PCDH15: variants seen among roughly 807,000 people sequenced by gnomAD.
The protein encoded by PCDH15 is protocadherin related 15.
In PCDH15, 129 loss-of-function variants were observed where a neutral mutation model predicts 178.5. The observed-to-expected ratio is 0.72, with a 90% CI of 0.63 to 0.84. PCDH15 has a LOEUF of 0.84. Ranked by LOEUF, PCDH15 falls within the 40% of genes least tolerant of loss-of-function variation. The pLI is 0.00. For synonymous variants in PCDH15, 800 were observed against 732.0 expected, an observed-to-expected ratio of 1.09 and a Z score of -1.50; for missense variants, 2,230 against 2,099.9, an observed-to-expected ratio of 1.06 and a Z score of -1.21.
At chr10:54,576,606 A>C (rs2090501582) in intron 2 of PCDH15, among the ~76,000 whole-genome samples, 2 of 152,192 alleles carry the variant, frequency 1.3e-5, no homozygotes, top group Non-Finnish European at 1.5e-5. Flanking sequence ...TTATGACAGC[A>C]CTTCTCCTGC....
At chr10:54,947,422 C>T (rs768450150) in intron 2 of PCDH15, among the ~76,000 whole-genome samples, 10 of 151,882 alleles carry the variant, frequency 6.6e-5, no homozygotes, top group Non-Finnish European at 1.5e-4. Context: ...ACATCCTCTG[C>T]CTTTGAAGAA....
chr10:54,201,346 T>G (rs2050210309), intron 10 of PCDH15, among the ~76,000 whole-genome samples: 1 of 152,122 alleles, frequency 6.6e-6, no homozygotes, highest in Non-Finnish European at 1.5e-5. Flanking sequence ...ATTGCAATTT[T>G]CAAAGTTAAG....
chr10:53,979,950 G>A (rs1038404379), intron 21 of PCDH15, among the ~76,000 whole-genome samples: 10 of 152,282 alleles, frequency 6.6e-5, no homozygotes, highest in South Asian at 2.1e-4. Flanking sequence ...CAGGTGCGGC[G>A]GCTCACGCCT....
At chr10:54,785,226 ATAACT>A (rs1228764664) in intron 1 of PCDH15, among the ~76,000 whole-genome samples, 8 of 151,994 alleles carry the variant, frequency 5.3e-5, no homozygotes, top group Non-Finnish European at 2.9e-5. Flanking sequence ...GAAAAAAAAA[ATAACT>A]TTATTTTTTT....
At chr10:55,543,561 T>C (rs750541936) in intron 2 of PCDH15, among the ~76,000 whole-genome samples, 4 of 151,232 alleles carry the variant, frequency 2.6e-5, no homozygotes, top group Non-Finnish European at 4.4e-5. Flanking sequence ...ATTTAACAGA[T>C]AACAAAAGCG....
At chr10:54,735,370 A>T (rs1369323692) in intron 1 of PCDH15, among the ~76,000 whole-genome samples, 5 of 152,030 alleles carry the variant, frequency 3.3e-5, no homozygotes, top group African/African-American at 1.2e-4. Context: ...CATTTCTCTG[A>T]TGGCCAGTGA....
At position 55,312,441 on chromosome 10, in the gene PCDH15, T is replaced by G. The variant is rs139967211; in HGVS notation, c.-156+7158A>C. 5.6e-4 allele frequency among the ~76,000 whole-genome samples: 86 copies of G among 152,246 alleles called. 1 individual carries two copies. Among genetic ancestry groups the G allele is most frequent in the African/African-American group, 1.9e-3 (79 of 41,536 alleles). Reference sequence around the variant, plus strand: ...GTTAGTATGAACATAATGAGACAATTTCTCATGGAGTAGACAGCAACCCAC... The same window carrying G: ...GTTAGTATGAACATAATGAGACAATGTCTCATGGAGTAGACAGCAACCCAC... On this transcript the variant is annotated intron_variant, in intron 1 of 5. Transcript: ENST00000458638.
chr10:54,126,071 C>CT (rs2041962945), intron 15 of PCDH15, among the ~76,000 whole-genome samples: 8 of 118,374 alleles, frequency 6.8e-5, no homozygotes, highest in African/African-American at 2.1e-4. Context: ...AAAGAATTAC[C>CT]ATTTTTTTTT....
intron 2 of PCDH15, chr10:54,600,055 G>C: frequency 7.8e-7 from 1 of 1,275,186 alleles, no homozygotes; most frequent in Non-Finnish European, 1.1e-6. Context: ...GAAAGAGGAA[G>C]AAAAGGAAAT....
intron 28 of PCDH15, among the ~76,000 whole-genome samples, chr10:53,855,564 C>G (rs2078667751): frequency 6.6e-6 from 1 of 151,926 alleles, no homozygotes; most frequent in Non-Finnish European, 1.5e-5. Context: ...ATATGCTTTT[C>G]TTATGGGAAA....
chr10:54,325,475 G>A (rs1937756110), intron 7 of PCDH15, among the ~76,000 whole-genome samples: 1 of 152,054 alleles, frequency 6.6e-6, no homozygotes, highest in Non-Finnish European at 1.5e-5. Context: ...ACTGCCAGGT[G>A]CAGTGGCTCA....
intron 2 of PCDH15, among the ~76,000 whole-genome samples, chr10:55,055,497 T>C (rs1841274755): frequency 6.6e-6 from 1 of 152,072 alleles, no homozygotes; most frequent in Admixed American, 6.6e-5. Flanking sequence ...AACATAATAC[T>C]CTTCTTGCGT....
chr10:54,824,750 T>C (rs1953098233), intron 3 of PCDH15, among the ~76,000 whole-genome samples: 1 of 152,022 alleles, frequency 6.6e-6, no homozygotes, highest in Non-Finnish European at 1.5e-5. Flanking sequence ...TCAGAGGAAA[T>C]GCATAGGGAG....
chr10:55,578,748 G>A, intron 2 of PCDH15, among the ~76,000 whole-genome samples: 1 of 152,136 alleles, frequency 6.6e-6, no homozygotes, highest in East Asian at 1.9e-4. Flanking sequence ...CAATCATGTT[G>A]GAAGGGGAAG....
intron 3 of PCDH15, among the ~76,000 whole-genome samples, chr10:54,415,956 T>G (rs1954294732): frequency 6.6e-6 from 1 of 151,992 alleles, no homozygotes; most frequent in African/African-American, 2.4e-5. Context: ...TAATATTTTT[T>G]AAAAAATCGA....
At chr10:55,450,034 T>G (rs1396293128) in intron 2 of PCDH15, among the ~76,000 whole-genome samples, 1 of 152,088 alleles carries the variant, frequency 6.6e-6, no homozygotes, top group Non-Finnish European at 1.5e-5. Flanking sequence ...CTTAAAGCAT[T>G]TTTTTTATTT....
At chr10:55,440,157 A>T (rs892998552) in intron 2 of PCDH15, among the ~76,000 whole-genome samples, 7 of 152,214 alleles carry the variant, frequency 4.6e-5, no homozygotes, top group Non-Finnish European at 1.0e-4. Flanking sequence ...ACAAAAAATA[A>T]ACTGAGGGTG....
intron 2 of PCDH15, among the ~76,000 whole-genome samples, chr10:54,619,819 T>A (rs2093298100): frequency 6.6e-6 from 1 of 152,074 alleles, no homozygotes; most frequent in Non-Finnish European, 1.5e-5. Flanking sequence ...AAGTTCTTAA[T>A]CTGTGTTCTA....
chr10:55,222,710 T>TACACACACACATACAC lies in PCDH15; in HGVS notation c.-155-56060_-155-56059insGTGTATGTGTGTGTGT, dbSNP rs1554842351. ...AAGTAATGATAATTTTATATCTTTA[T>TACACACACACATACAC]ACACACACACACACACACACATATA... On this transcript the variant is annotated intron_variant, in intron 1 of 5. Transcript: ENST00000458638. Among the ~76,000 whole-genome samples the TACACACACACATACAC allele has an allele frequency of 2.3e-3, 97 of 42,178 alleles. 2 individuals carry two copies. The highest frequency in any genetic ancestry group is 7.7e-3 in the African/African-American group (92 of 11,924). 27.7% of individuals were successfully genotyped at this position (42,178 alleles called of 152,430 possible). A position where few individuals can be genotyped will look rare whatever the true frequency, so the allele number is the denominator to read the frequency against.
Sources: allele counts gnomAD v4.1 joint callset (sites outside exome capture counted in the v4.1 genomes callset), GRCh38; gene constraint gnomAD v4.1.1; transcripts MANE v1.5; gene names NCBI Gene and HGNC (gene_info 2026-07-23, HGNC 2026-07-21).